Variants in STPG4 observed in about 807,000 individuals in gnomAD.
STPG4 encodes sperm-tail PG-rich repeat containing 4.
STPG4 carries 41 observed loss-of-function variants against 31.5 expected under a neutral mutation model. That is an observed-to-expected ratio of 1.30 (90% CI 1.01 to 1.69). STPG4 has a LOEUF of 1.69. STPG4 is among the 40% of genes most tolerant of loss of function. The pLI is 0.00. For synonymous variants in STPG4, 141 were observed against 103.0 expected (o/e 1.37, Z -2.24); for missense variants, 375 against 293.4 (o/e 1.28, Z -2.03).
intron 3 of STPG4, among the ~76,000 whole-genome samples, chr2:47,132,359 A>T (rs1462625333): frequency 6.6e-6 from 1 of 152,112 alleles, no homozygotes; most frequent in Non-Finnish European, 1.5e-5. Flanking sequence ...GATTTTAAGA[A>T]ACAATACCGC....
chr2:47,128,138 G>A (rs1009423837), intron 5 of STPG4, among the ~76,000 whole-genome samples: 4 of 152,158 alleles, frequency 2.6e-5, no homozygotes, highest in African/African-American at 7.2e-5. Context: ...AGATCTGAGC[G>A]AGTTCCCTGG....
At chr2:47,111,588 A>G (rs1686037176) in intron 5 of STPG4, among the ~76,000 whole-genome samples, 1 of 152,132 alleles carries the variant, frequency 6.6e-6, no homozygotes, top group East Asian at 1.9e-4. Flanking sequence ...TTGGTCTTGC[A>G]ATTTGTGAGG....
chr2:47,087,996 G>A (rs1251560765), intron 6 of STPG4, among the ~76,000 whole-genome samples: 14 of 152,004 alleles, frequency 9.2e-5, no homozygotes, highest in African/African-American at 2.2e-4. Flanking sequence ...CTCGTGATCC[G>A]CCCACCTCCG....
At chr2:47,120,279 C>T (rs1248275082) in intron 5 of STPG4, among the ~76,000 whole-genome samples, 2 of 151,248 alleles carry the variant, frequency 1.3e-5, no homozygotes, top group East Asian at 1.9e-4. Context: ...TGCAGTGAGC[C>T]GAGATTGTGC....
At chr2:47,123,921 G>A (rs1225596427) in intron 5 of STPG4, among the ~76,000 whole-genome samples, 2 of 151,930 alleles carry the variant, frequency 1.3e-5, no homozygotes, top group Admixed American at 6.6e-5. Flanking sequence ...ATCACCTCAA[G>A]CATTTATCAT....
intron 3 of STPG4, among the ~76,000 whole-genome samples, chr2:47,132,712 T>A (rs1686511068): frequency 6.6e-6 from 1 of 152,198 alleles, no homozygotes. Context: ...CTGATGACAA[T>A]TACGTGGATG....
At chr2:47,126,259 C>G (rs1267177220) in intron 5 of STPG4, among the ~76,000 whole-genome samples, 1 of 148,010 alleles carries the variant, frequency 6.8e-6, no homozygotes, top group Non-Finnish European at 1.5e-5. Context: ...TCTTTCCTTC[C>G]TCTTCTTTCT....
intron 5 of STPG4, among the ~76,000 whole-genome samples, chr2:47,116,807 C>A (rs1686162719): frequency 6.6e-6 from 1 of 152,180 alleles, no homozygotes; most frequent in Non-Finnish European, 1.5e-5. Flanking sequence ...AGGCAAAATC[C>A]TCCACAAAAC....
Position 47,087,020 on chromosome 2 carries a change from C to T in STPG4, c.735G>A (p.Trp245Ter). The change falls in exon 7 of 7, where the codon TGG (tryptophan) becomes TGA (stop). Residue 245 changes from tryptophan (W) to a stop codon, truncating the protein, a stop_gained. Transcript: ENST00000445927. LOFTEE classifies it high-confidence loss of function. ...TGCCAAGATCACTTTATTTTAAAAG[C>T]CAATTGTTGTTGTTGAAGAAAAGGC... Reference protein sequence around the residue: ...EHSLFFNNNNWLLK With the variant: ...EHSLFFNNNN 1 of 1,551,682 alleles carries T rather than the reference C, an allele frequency of 6.4e-7. No individual in the cohort carries two copies. The highest frequency in any genetic ancestry group is 8.7e-7 in the Non-Finnish European group (1 of 1,146,988).
Position 47,151,485 on chromosome 2 carries a change from T to G in STPG4, c.172A>C (p.Lys58Gln). 3 of 1,614,056 alleles carry G rather than the reference T, an allele frequency of 1.9e-6. No homozygotes were observed. Among genetic ancestry groups the G allele is most frequent in the Non-Finnish European group, 2.5e-6 (3 of 1,179,916 alleles). Residue 58 changes from lysine (K) to glutamine (Q), a missense_variant, in exon 3 of 7, where the codon AAA becomes CAA. By Grantham distance (53) the Lys-to-Gln change is moderately conservative. Transcript: ENST00000445927. ...AATAGGGATTCTTCAATAAAAGTTT[T>G]CAAGTGGTAAGTGCCAGGTATAGGA... ...DTPIPGTYHL[K>Q]TFIEESLLNP...
At chr2:47,142,836 CTTTTTTTTTT>C (rs10686388) in intron 3 of STPG4, among the ~76,000 whole-genome samples, 1 of 73,836 alleles carries the variant, frequency 1.4e-5, no homozygotes, top group East Asian at 4.9e-4. Flanking sequence ...TTTATCTCAT[CTTTTTTTTTT>C]TTTTTTTTTT....
intron 5 of STPG4, among the ~76,000 whole-genome samples, chr2:47,115,798 G>A (rs986004334): frequency 3.9e-5 from 6 of 152,010 alleles, no homozygotes; most frequent in East Asian, 1.9e-4. Flanking sequence ...GATTACAGGC[G>A]CACGCTGCCA....
At chr2:47,128,655 G>A (rs890403155) in intron 5 of STPG4, among the ~76,000 whole-genome samples, 1 of 152,050 alleles carries the variant, frequency 6.6e-6, no homozygotes, top group African/African-American at 2.4e-5. Flanking sequence ...GAGGAAGGCT[G>A]CCAGGCCTGG....
chr2:47,108,221 G>C (rs4952872), intron 5 of STPG4, among the ~76,000 whole-genome samples: 16,055 of 130,858 alleles, frequency 0.12, 923 homozygotes, highest in Non-Finnish European at 0.15. Flanking sequence ...AGCAGGATGT[G>C]GGTGGGGCCA....
chr2:47,112,450 G>T (rs746898866), intron 5 of STPG4, among the ~76,000 whole-genome samples: 7 of 152,102 alleles, frequency 4.6e-5, no homozygotes, highest in African/African-American at 1.7e-4. Context: ...GATTACAGGC[G>T]TGAGCCACTG....
At chr2:47,130,515 T>A (rs1210854783) in intron 3 of STPG4, among the ~76,000 whole-genome samples, 1 of 152,056 alleles carries the variant, frequency 6.6e-6, no homozygotes, top group Non-Finnish European at 1.5e-5. Context: ...TTGATCACAG[T>A]TTTTCTTTTT....
rs1291169984 is a variant in STPG4, at chr2:47,090,357, T to C, written c.537A>G (p.Pro179=). 2 of 1,551,374 alleles carry C rather than the reference T, an allele frequency of 1.3e-6. No individual in the cohort carries two copies. The highest frequency in any genetic ancestry group is 1.7e-6 in the Non-Finnish European group (2 of 1,146,374). ...GAGGCATTTTCACATTATAATGACC[T>C]GGACCAGGGCCTTCATGCTATTGAA... ...TYFIPHEGPG[P]GHYNVKMPPT... is the part of the protein sequence containing the mutation. Residue 179 remains proline (P), a synonymous_variant, in exon 6 of 7, where the codon CCA becomes CCG. Coordinates refer to ENST00000445927, the MANE Select transcript of STPG4 (RefSeq NM_001163561.2).
intron 3 of STPG4, among the ~76,000 whole-genome samples, chr2:47,130,511 A>C (rs907316818): frequency 6.6e-6 from 1 of 152,104 alleles, no homozygotes; most frequent in African/African-American, 2.4e-5. Context: ...CAAATTGATC[A>C]CAGTTTTTCT....
At chr2:47,116,327 C>T (rs894010021) in intron 5 of STPG4, among the ~76,000 whole-genome samples, 2 of 152,208 alleles carry the variant, frequency 1.3e-5, no homozygotes, top group Admixed American at 1.3e-4. Context: ...CCCACATAAA[C>T]AGGAGCTCCA....
Sources: allele counts gnomAD v4.1 joint callset (sites outside exome capture counted in the v4.1 genomes callset), GRCh38; gene constraint gnomAD v4.1.1; transcripts MANE v1.5; gene names NCBI Gene and HGNC (gene_info 2026-07-23, HGNC 2026-07-21).